The following RFTN2 variants were observed in gnomAD, a reference collection of about 807,000 sequenced individuals.
RFTN2 encodes raftlin-2.
RFTN2 carries 34 observed loss-of-function variants against 52.7 expected under a neutral mutation model. The ratio of observed to expected loss-of-function variants is 0.64; its 90% CI spans 0.49 to 0.86. The LOEUF (loss-of-function observed/expected upper bound fraction) is 0.86. Ranked by LOEUF, RFTN2 falls within the 40% of genes least tolerant of loss-of-function variation. The pLI is 0.00. For synonymous variants in RFTN2, 203 were observed against 217.7 expected (o/e 0.93, Z 0.59); for missense variants, 536 against 600.1 (o/e 0.89, Z 1.12).
chr2:197,652,584 A>G (rs1465655545), intron 1 of RFTN2, among the ~76,000 whole-genome samples: 1 of 152,220 alleles, frequency 6.6e-6, no homozygotes. Flanking sequence ...AGCTTTTGCC[A>G]TGGGTAAAAA....
intron 7 of RFTN2, among the ~76,000 whole-genome samples, chr2:197,606,774 A>T (rs993281038): frequency 6.6e-6 from 1 of 151,472 alleles, no homozygotes; most frequent in African/African-American, 2.4e-5. Flanking sequence ...TCAAAACCAC[A>T]ATGAGATACC....
chr2:197,673,651 T>A (rs752079457), intron 1 of RFTN2, among the ~76,000 whole-genome samples: 3 of 152,184 alleles, frequency 2.0e-5, no homozygotes, highest in Admixed American at 1.3e-4. Context: ...GTAGAAATTA[T>A]ACTCCTTTCA....
chr2:197,624,249 T>C (rs1034132495), intron 5 of RFTN2, among the ~76,000 whole-genome samples: 4 of 152,088 alleles, frequency 2.6e-5, no homozygotes, highest in African/African-American at 9.7e-5. Flanking sequence ...TTGAAAGAAG[T>C]TCTACTGTGG....
At chr2:197,581,331 C>A (rs2087504609) in intron 8 of RFTN2, among the ~76,000 whole-genome samples, 1 of 152,196 alleles carries the variant, frequency 6.6e-6, no homozygotes, top group Non-Finnish European at 1.5e-5. Flanking sequence ...TCCTCCACAA[C>A]TCACTATTCT....
Position 197,675,535 on chromosome 2 carries a change from A to AAAAAGCAGTT in RFTN2, c.-78_-77insAACTGCTTTT. ...ATTCTGTTGTTTAAGCTGCAAAAAG[A>AAAAAGCAGTT]AAGTTACAGACTTAACTGCTTTGAT... is the stretch of plus-strand genomic sequence containing the variant. On this transcript the variant is annotated 5_prime_UTR_variant, in exon 1 of 9. Coordinates refer to ENST00000295049, the MANE Select transcript of RFTN2 (RefSeq NM_144629.3). The AAAAAGCAGTT allele has an allele frequency of 1.2e-6, 1 of 857,982 alleles. No individual in the cohort carries two copies. Among genetic ancestry groups the AAAAAGCAGTT allele is most frequent in the Non-Finnish European group, 1.5e-6 (1 of 649,932 alleles). The allele number at this position is 857,982 out of a possible 1,614,324, so 53.1% of individuals were successfully genotyped here. A position where few individuals can be genotyped will look rare whatever the true frequency, so the allele number is the denominator to read the frequency against.
chr2:197,591,149 A>G (rs1033232790), intron 8 of RFTN2, among the ~76,000 whole-genome samples: 4 of 152,198 alleles, frequency 2.6e-5, no homozygotes, highest in Non-Finnish European at 5.9e-5. Context: ...TCCCCACTAG[A>G]TTAGCTAAAT....
chr2:197,627,875 G>GC (rs1196853759), intron 5 of RFTN2, among the ~76,000 whole-genome samples: 10 of 58,856 alleles, frequency 1.7e-4, no homozygotes, highest in South Asian at 5.3e-4. Context: ...TCTGTCCCCC[G>GC]CCCCCCCGCC....
At chr2:197,610,520 A>G (rs1249056068) in intron 7 of RFTN2, among the ~76,000 whole-genome samples, 1 of 152,288 alleles carries the variant, frequency 6.6e-6, no homozygotes, top group Admixed American at 6.5e-5. Context: ...GGGCTGAGAC[A>G]ATGGGGTTTT....
chr2:197,674,339 CAAAAAAAAA>C (rs1222944678), intron 1 of RFTN2, among the ~76,000 whole-genome samples: 1 of 34,266 alleles, frequency 2.9e-5, no homozygotes, highest in Non-Finnish European at 4.9e-5. Context: ...TAGAGCAAAG[CAAAAAAAAA>C]AAAAAAAAAA....
In RFTN2 at chr2:197,601,375, G is replaced by T. The variant is rs548311134; in HGVS notation, c.1155-5306C>A. On this transcript the variant is annotated intron_variant, in intron 7 of 8. Transcript: ENST00000295049. ...ACTAATAAAAACAACTTTGACTCCT[G>T]TAGTGCTCTCAGCGTTCCAAGTCCT... Among the ~76,000 whole-genome samples, 14 of 152,322 alleles carry T rather than the reference G, an allele frequency of 9.2e-5. No individual in the cohort carries two copies. In the South Asian group the frequency reaches 1.4e-3, roughly 16 times the overall value.
intron 5 of RFTN2, among the ~76,000 whole-genome samples, chr2:197,619,043 T>C (rs2088206242): frequency 6.7e-6 from 1 of 148,302 alleles, no homozygotes; most frequent in Admixed American, 6.6e-5. Flanking sequence ...AGCCGCCCTG[T>C]CCGGGAGGTG....
Position 197,633,745 on chromosome 2 carries a change from TA to T in RFTN2, c.690del (p.Thr231LeufsTer38). 1 of 1,613,552 alleles carries T rather than the reference TA, an allele frequency of 6.2e-7. No homozygotes were observed. Among genetic ancestry groups the T allele is most frequent in the Non-Finnish European group, 8.5e-7 (1 of 1,179,576 alleles). ...GQYQMEQNGS[P>X]TSSKSRKGEA... ...TCTCCCTTTCTTGATTTAGAGGAAG[TA>T]GGGCTGCCATTTTGTTCCATTTGAT... On this transcript the variant is annotated frameshift_variant, in exon 4 of 9. Transcript: ENST00000295049. LOFTEE classifies it high-confidence loss of function.
At chr2:197,588,700 A>G (rs2087640844) in intron 8 of RFTN2, among the ~76,000 whole-genome samples, 1 of 152,208 alleles carries the variant, frequency 6.6e-6, no homozygotes, top group Non-Finnish European at 1.5e-5. Context: ...CAAGACAGGG[A>G]CTGCTGGGTC....
chr2:197,619,738 A>AT (rs1331174177), intron 5 of RFTN2, among the ~76,000 whole-genome samples: 2 of 119,472 alleles, frequency 1.7e-5, no homozygotes, highest in African/African-American at 7.0e-5. Context: ...AGAATGATCA[A>AT]TTAAAAAAAA....
chr2:197,616,309 A>ATTTTATTTTATTTTTTTTATTTTATTTT (rs1553601950), intron 6 of RFTN2, among the ~76,000 whole-genome samples: 1 of 125,038 alleles, frequency 8.0e-6, no homozygotes, highest in Non-Finnish European at 1.7e-5. Context: ...ATTTTATTTT[A>ATTTTATTTTATTTTTTTTATTTTATTTT]AAGAGAGGGT....
chr2:197,603,080 C>T (rs936463756), intron 7 of RFTN2, among the ~76,000 whole-genome samples: 1 of 152,058 alleles, frequency 6.6e-6, no homozygotes, highest in African/African-American at 2.4e-5. Flanking sequence ...TTGTGGGGTG[C>T]AGGGAGTGGG....
chr2:197,570,178 A>T lies in RFTN2; in HGVS notation c.*1830T>A, dbSNP rs1574667429. The T allele has an allele frequency of 6.6e-6, 1 of 152,296 alleles. No individual in the cohort carries two copies. Among genetic ancestry groups the T allele is most frequent in the South Asian group, 2.1e-4 (1 of 4,824 alleles). The allele number at this position is 152,296 out of a possible 1,614,324, so 9.4% of individuals were successfully genotyped here. ...TGAAGCAGTGATTGTTTCTACCAAA[A>T]ATCCACTAACTCTTGATTATGGAAC... On this transcript the variant is annotated 3_prime_UTR_variant, in exon 9 of 9. Coordinates refer to ENST00000295049, the MANE Select transcript of RFTN2 (RefSeq NM_144629.3).
chr2:197,640,265 A>T (rs1397855807), intron 3 of RFTN2, among the ~76,000 whole-genome samples: 28 of 152,222 alleles, frequency 1.8e-4, no homozygotes, highest in East Asian at 7.7e-4. Flanking sequence ...GGCTCCACCC[A>T]GTTGGAGCTT....
intron 7 of RFTN2, among the ~76,000 whole-genome samples, chr2:197,600,030 TG>T (rs1389331411): frequency 6.6e-6 from 1 of 152,026 alleles, no homozygotes; most frequent in Non-Finnish European, 1.5e-5. Context: ...GGCTTTTTTT[TG>T]TATTTTTAGT....
Sources: allele counts gnomAD v4.1 joint callset (sites outside exome capture counted in the v4.1 genomes callset), GRCh38; gene constraint gnomAD v4.1.1; transcripts MANE v1.5; gene names NCBI Gene and HGNC (gene_info 2026-07-23, HGNC 2026-07-21).